Variants in UGDH observed in about 807,000 individuals in gnomAD.
UGDH encodes the protein UDP-glucose 6-dehydrogenase.
UGDH carries 38 observed loss-of-function variants against 50.6 expected under a neutral mutation model. The observed-to-expected ratio is 0.75, with a 90% CI of 0.58 to 0.98. The LOEUF is 0.98. Ranked by LOEUF, UGDH falls within the 50% of genes least tolerant of loss-of-function variation. UGDH has a pLI of 0.00. For missense variants in UGDH, 465 were observed against 606.2 expected (o/e 0.77, Z 2.45); for synonymous variants, 168 against 199.9 (o/e 0.84, Z 1.35).
intron 3 of UGDH, among the ~76,000 whole-genome samples, chr4:39,511,401 C>T (rs1300582588): frequency 6.6e-6 from 1 of 151,716 alleles, no homozygotes; most frequent in Non-Finnish European, 1.5e-5. Context: ...ACTGGGACTA[C>T]AGGCATGCGC....
intron 9 of UGDH, 137 bp downstream of exon 9, chr4:39,505,100 T>G (rs1745975174): frequency 1.2e-6 from 1 of 840,128 alleles, no homozygotes; most frequent in Admixed American, 3.4e-5. Context: ...TGCCTAAGAC[T>G]TTAATTTCAG....
chr4:39,508,547 TA>T lies in UGDH; in HGVS notation c.906+18del. The T allele has an allele frequency of 6.2e-7, 1 of 1,607,106 alleles. No individual in the cohort carries two copies. Among genetic ancestry groups the T allele is most frequent in the Non-Finnish European group, 8.5e-7 (1 of 1,176,980 alleles). On this transcript the variant is annotated intron_variant, in intron 7 of 11. Transcript: ENST00000316423. ...CTATGCCTGGCTAAACAGAAATTAT[TA>T]CCTATAGAGATTAATACCTGCTGCC...
rs1745693850 is a variant in UGDH at position 39,499,108 on chromosome 4, C to T, written c.*1035G>A. 6.6e-6 allele frequency: 1 copy of T among 151,168 alleles called. No individual in the cohort carries two copies. The highest frequency in any genetic ancestry group is 1.9e-4 in the East Asian group (1 of 5,180). The allele number at this position is 151,168 out of a possible 1,614,324, so 9.4% of individuals were successfully genotyped here. A position where few individuals can be genotyped will look rare whatever the true frequency, so the allele number is the denominator to read the frequency against. ...TTATACATGAGATTATATTGGTTTC[C>T]TTATTTAAAGAAAAAAATTACAATT... On this transcript the variant is annotated 3_prime_UTR_variant, in exon 12 of 12. Transcript: ENST00000316423.
At chr4:39,527,145 T>C in intron 1 of UGDH, 138 bp downstream of exon 1, 1 of 1,287,028 alleles carries the variant, frequency 7.8e-7, no homozygotes, top group Non-Finnish European at 1.0e-6. Flanking sequence ...ACGAAGGTCG[T>C]GAGACGGGAA....
At chr4:39,507,938 G>A (rs988592597) in intron 7 of UGDH, among the ~76,000 whole-genome samples, 1 of 113,570 alleles carries the variant, frequency 8.8e-6, no homozygotes, top group Non-Finnish European at 1.7e-5. Flanking sequence ...GTGAGATCTT[G>A]TCTCAAAAAA....
Position 39,500,254 on chromosome 4 carries a change from C to G in UGDH, c.1375-1G>C. ...ACACCTTTTTGCCAATTGTTTCAAT[C>G]TGAAAAAAAAATAAAATTTAAGAGA... On this transcript the variant is annotated splice_acceptor_variant, in intron 11 of 11. Coordinates refer to ENST00000316423, the MANE Select transcript of UGDH (RefSeq NM_003359.4). LOFTEE classifies it high-confidence loss of function. 1 of 1,552,368 alleles carries G rather than the reference C, an allele frequency of 6.4e-7. No individual in the cohort carries two copies. Among genetic ancestry groups the G allele is most frequent in the Non-Finnish European group, 8.8e-7 (1 of 1,141,830 alleles).
intron 1 of UGDH, among the ~76,000 whole-genome samples, chr4:39,526,004 C>T (rs1746874212): frequency 1.3e-5 from 2 of 152,158 alleles, no homozygotes; most frequent in Non-Finnish European, 2.9e-5. Flanking sequence ...ACATTCCAAC[C>T]CAGAAGGGGT....
chr4:39,527,065 A>ATT, intron 1 of UGDH: 4 of 1,289,436 alleles, frequency 3.1e-6, no homozygotes, highest in Non-Finnish European at 4.0e-6. Context: ...GTCTTGAATA[A>ATT]GAAGCCCAGA....
In UGDH at chr4:39,527,150, C is replaced by A. The variant is rs989791250; in HGVS notation, c.-8+133G>T. 450 of 1,281,434 alleles carry A rather than the reference C, an allele frequency of 3.5e-4. 1 individual carries two copies. Among genetic ancestry groups the A allele is most frequent in the Admixed American group, 1.2e-3 (54 of 43,482 alleles). The allele number at this position is 1,281,434 out of a possible 1,614,324, so 79.4% of individuals were successfully genotyped here. A position where few individuals can be genotyped will look rare whatever the true frequency, so the allele number is the denominator to read the frequency against. On this transcript the variant is annotated intron_variant, in intron 1 of 11. Transcript: ENST00000316423. ...CCCCAAAGAGACGAAGGTCGTGAGA[C>A]GGGAAGCCCGGGACCCAGCGCAGCG... is the stretch of plus-strand genomic sequence containing the variant.
chr4:39,523,906 C>T (rs2109950153), intron 1 of UGDH, among the ~76,000 whole-genome samples: 1 of 152,284 alleles, frequency 6.6e-6, no homozygotes, highest in South Asian at 2.1e-4. Context: ...ACTCCAACCC[C>T]TTCCTTATCT....
intron 7 of UGDH, 135 bp from the exon 8 acceptor site, chr4:39,505,883 C>A (rs190983647): frequency 4.7e-6 from 4 of 850,590 alleles, no homozygotes; most frequent in Non-Finnish European, 6.5e-6. Context: ...AAAAATTAAC[C>A]AAACTCTAGT....
rs1488157537 is a variant in UGDH, at chr4:39,505,274, C to T, written c.1134G>A (p.Val378=). 6.2e-7 allele frequency: 1 copy of T among 1,600,648 alleles called. No homozygotes were observed. The highest frequency in any genetic ancestry group is 8.5e-7 in the Non-Finnish European group (1 of 1,175,952). ...CTGAAACACCTGGATGAGAAAGATCCACAACTATTTGTTCCCTAGGTACTT... is the reference window on the plus strand; with the variant it reads ...CTGAAACACCTGGATGAGAAAGATCTACAACTATTTGTTCCCTAGGTACTT... ...DPKVPREQIV[V]DLSHPGVSED... Residue 378 remains valine (V), a synonymous_variant, in exon 9 of 12, where the codon GTG becomes GTA. Coordinates refer to ENST00000316423, the MANE Select transcript of UGDH (RefSeq NM_003359.4).
Position 39,505,377 on chromosome 4 carries a change from G to T in UGDH, c.1038-7C>A, listed in dbSNP as rs1281421441. 1 of 1,441,760 alleles carries T rather than the reference G, an allele frequency of 6.9e-7. No individual in the cohort carries two copies. Among genetic ancestry groups the T allele is most frequent in the Non-Finnish European group, 9.3e-7 (1 of 1,081,058 alleles). The allele number at this position is 1,441,760 out of a possible 1,614,324, so 89.3% of individuals were successfully genotyped here. ...ATATATACTAGAAGATTCTCTATAG[G>T]AAAAAAAAAATCAGTATTGGTAAGC... On this transcript the variant is annotated splice_polypyrimidine_tract_variant and splice_region_variant and intron_variant, in intron 8 of 11. Coordinates refer to ENST00000316423, the MANE Select transcript of UGDH (RefSeq NM_003359.4).
intron 1 of UGDH, chr4:39,526,937 C>T: frequency 9.0e-7 from 1 of 1,107,738 alleles, no homozygotes; most frequent in Admixed American, 2.5e-5. Context: ...AAAATGAGGT[C>T]CCCAACGAGA....
At chr4:39,515,236 C>G (rs1042810497) in intron 2 of UGDH, among the ~76,000 whole-genome samples, 3 of 152,142 alleles carry the variant, frequency 2.0e-5, no homozygotes, top group Admixed American at 6.5e-5. Flanking sequence ...CATTGTTTAC[C>G]ATGTGACTAA....
At chr4:39,521,069 C>CAAAAAAAAAAAAAAAAAAAAAAAAAAAAA (rs1179305904) in intron 2 of UGDH, among the ~76,000 whole-genome samples, 1 of 80,070 alleles carries the variant, frequency 1.2e-5, no homozygotes, top group Non-Finnish European at 2.8e-5. Flanking sequence ...GACTCCGTCT[C>CAAAAAAAAAAAAAAAAAAAAAAAAAAAAA]AAAAAAAAAA....
intron 11 of UGDH, 139 bp from the exon 12 acceptor site, chr4:39,500,392 A>C: frequency 1.8e-6 from 1 of 546,620 alleles, no homozygotes; most frequent in Non-Finnish European, 3.3e-6. Flanking sequence ...TTGCTATGAG[A>C]GATCTTTGGT....
chr4:39,500,291 T>C, intron 11 of UGDH, 38 bp from the exon 12 acceptor site: 2 of 1,311,464 alleles, frequency 1.5e-6, no homozygotes, highest in Non-Finnish European at 2.1e-6. Context: ...CTATTAACAA[T>C]TATATAAGTG....
Position 39,498,920 on chromosome 4 carries a change from T to C in UGDH, c.*1223A>G, listed in dbSNP as rs1185311948. ...GTACATTCTCAGCAGAGCACAAGTA[T>C]CAAAGGGACATTGGATATATTTTAA... On this transcript the variant is annotated 3_prime_UTR_variant, in exon 12 of 12. Coordinates refer to ENST00000316423, the MANE Select transcript of UGDH (RefSeq NM_003359.4). The C allele has an allele frequency of 6.6e-6, 1 of 152,050 alleles. No homozygotes were observed. Among genetic ancestry groups the C allele is most frequent in the Non-Finnish European group, 1.5e-5 (1 of 68,028 alleles). The allele number at this position is 152,050 out of a possible 1,614,324, so 9.4% of individuals were successfully genotyped here. A position where few individuals can be genotyped will look rare whatever the true frequency, so the allele number is the denominator to read the frequency against.
Sources: allele counts gnomAD v4.1 joint callset (sites outside exome capture counted in the v4.1 genomes callset), GRCh38; gene constraint gnomAD v4.1.1; transcripts MANE v1.5; gene names NCBI Gene and HGNC (gene_info 2026-07-23, HGNC 2026-07-21).